The following MEIKIN variants were observed in gnomAD, a reference collection of about 807,000 sequenced individuals.
MEIKIN encodes meiotic kinetochore factor.
chr5:131,850,162 C>T (rs1750087909), intron 11 of MEIKIN, among the ~76,000 whole-genome samples: 1 of 151,562 alleles, frequency 6.6e-6, no homozygotes, highest in Non-Finnish European at 1.5e-5. Context: ...AACTATAAAA[C>T]ATTGGTAAAA....
intron 4 of MEIKIN, among the ~76,000 whole-genome samples, chr5:131,936,869 C>A (rs1751788707): frequency 6.6e-6 from 1 of 152,132 alleles, no homozygotes; most frequent in African/African-American, 2.4e-5. Flanking sequence ...CAGCGCCCGG[C>A]CTTGTTCCAA....
intron 11 of MEIKIN, among the ~76,000 whole-genome samples, chr5:131,825,434 C>T (rs1554102887): frequency 2.6e-5 from 4 of 152,196 alleles, no homozygotes; most frequent in Non-Finnish European, 2.9e-5. Flanking sequence ...AGGGAAAAGA[C>T]ATAGGGCCAA....
At chr5:131,893,404 A>G (rs765699212) in intron 8 of MEIKIN, among the ~76,000 whole-genome samples, 2 of 152,222 alleles carry the variant, frequency 1.3e-5, no homozygotes, top group Non-Finnish European at 2.9e-5. Flanking sequence ...TGGGGGATAT[A>G]ATCTCCTGGT....
chr5:131,936,987 A>C (rs546995445), intron 4 of MEIKIN, among the ~76,000 whole-genome samples: 1 of 150,828 alleles, frequency 6.6e-6, no homozygotes, highest in Non-Finnish European at 1.5e-5. Flanking sequence ...CTTCTTTTTT[A>C]AAAAAGTATA....
intron 5 of MEIKIN, among the ~76,000 whole-genome samples, chr5:131,928,738 T>C (rs916969595): frequency 1.3e-5 from 2 of 152,176 alleles, no homozygotes; most frequent in African/African-American, 2.4e-5. Flanking sequence ...TAGTATACTA[T>C]AAATAATTAG....
chr5:131,923,288 G>A (rs1222758055), intron 5 of MEIKIN, among the ~76,000 whole-genome samples: 1 of 152,116 alleles, frequency 6.6e-6, no homozygotes, highest in African/African-American at 2.4e-5. Context: ...CTAATGCTGT[G>A]CCTTGGTGTT....
At chr5:131,882,346 T>C (rs1323656260) in intron 8 of MEIKIN, among the ~76,000 whole-genome samples, 1 of 152,216 alleles carries the variant, frequency 6.6e-6, no homozygotes, top group Non-Finnish European at 1.5e-5. Flanking sequence ...ACAGATGCAC[T>C]GGACCCAGAC....
chr5:131,875,758 CA>C (rs1750601098), intron 9 of MEIKIN, among the ~76,000 whole-genome samples: 1 of 152,176 alleles, frequency 6.6e-6, no homozygotes, highest in African/African-American at 2.4e-5. Flanking sequence ...TACCAGGCTA[CA>C]GTAACCAAAA....
At chr5:131,906,487 C>T (rs1195259559) in intron 8 of MEIKIN, among the ~76,000 whole-genome samples, 1 of 152,130 alleles carries the variant, frequency 6.6e-6, no homozygotes, top group Non-Finnish European at 1.5e-5. Context: ...AACAGAACTA[C>T]CATTTGACCC....
chr5:131,892,010 A>G (rs1750931140), intron 8 of MEIKIN, among the ~76,000 whole-genome samples: 1 of 152,086 alleles, frequency 6.6e-6, no homozygotes, highest in African/African-American at 2.4e-5. Flanking sequence ...GCTGGGTTGA[A>G]AATTCTTTTG....
intron 8 of MEIKIN, among the ~76,000 whole-genome samples, chr5:131,887,754 A>C (rs1159084533): frequency 1.3e-5 from 2 of 151,772 alleles, no homozygotes; most frequent in Non-Finnish European, 2.9e-5. Flanking sequence ...CATGTGCACA[A>C]CATGCAGGTT....
intron 12 of MEIKIN, among the ~76,000 whole-genome samples, chr5:131,810,787 GTTCACT>G (rs1772938724): frequency 6.6e-6 from 1 of 152,020 alleles, no homozygotes; most frequent in South Asian, 2.1e-4. Flanking sequence ...CATCTCTTTG[GTTCACT>G]TTCACCATTG....
chr5:131,880,076 CG>C (rs1239858136), intron 8 of MEIKIN, among the ~76,000 whole-genome samples: 4 of 151,526 alleles, frequency 2.6e-5, no homozygotes, highest in African/African-American at 7.3e-5. Flanking sequence ...CACACCACCA[CG>C]CCCAGCTAAT....
intron 4 of MEIKIN, among the ~76,000 whole-genome samples, chr5:131,941,540 T>C (rs1452652023): frequency 6.6e-6 from 1 of 151,256 alleles, no homozygotes; most frequent in African/African-American, 2.4e-5. Context: ...TCTGCAGTGG[T>C]TTTTTTTCCT....
chr5:131,936,219 C>T (rs1441344693), intron 4 of MEIKIN, among the ~76,000 whole-genome samples: 3 of 152,166 alleles, frequency 2.0e-5, no homozygotes, highest in East Asian at 1.9e-4. Context: ...AATGTAAATG[C>T]AATTAAAAAA....
chr5:131,868,570 G>A (rs1054506534), intron 9 of MEIKIN, among the ~76,000 whole-genome samples: 1 of 151,954 alleles, frequency 6.6e-6, no homozygotes, highest in Non-Finnish European at 1.5e-5. Context: ...TTTTGTTGTT[G>A]TTGTTGTTTT....
intron 11 of MEIKIN, among the ~76,000 whole-genome samples, chr5:131,829,167 C>A (rs1295145228): frequency 6.6e-6 from 1 of 152,030 alleles, no homozygotes; most frequent in Non-Finnish European, 1.5e-5. Context: ...ACACTGGAAG[C>A]TAGAACTACA....
At chr5:131,866,484 C>T (rs2149622114) in intron 9 of MEIKIN, among the ~76,000 whole-genome samples, 1 of 152,320 alleles carries the variant, frequency 6.6e-6, no homozygotes, top group East Asian at 1.9e-4. Flanking sequence ...GCAGCAGCAG[C>T]TGTGCTGTGG....
In MEIKIN at chr5:131,945,620, A is replaced by T. The variant is rs1047480673; in HGVS notation, c.-115T>A. 1.5e-5 allele frequency: 6 copies of T among 397,788 alleles called. No homozygotes were observed. The highest frequency in any genetic ancestry group is 2.1e-5 in the African/African-American group (1 of 48,578). The allele number at this position is 397,788 out of a possible 1,614,324, so 24.6% of individuals were successfully genotyped here. A position where few individuals can be genotyped will look rare whatever the true frequency, so the allele number is the denominator to read the frequency against. On this transcript the variant is annotated 5_prime_UTR_variant, in exon 1 of 13. Coordinates refer to ENST00000442687, the MANE Select transcript of MEIKIN (RefSeq NM_001303622.2). ...AGCGTCCAGGCGAGGCCCGCGGAGC[A>T]GCCTCACAGCAACTAATCGAGCGAA... is the stretch of plus-strand genomic sequence containing the variant.
Sources: gnomAD v4.1 joint callset for allele counts (sites outside exome capture counted in the v4.1 genomes callset) on GRCh38, gnomAD v4.1.1 for gene constraint, MANE v1.5 for transcripts, NCBI Gene and HGNC (gene_info 2026-07-23, HGNC 2026-07-21) for gene names.